Variants in WDR70 observed in about 807,000 individuals in gnomAD.
The protein encoded by WDR70 is WD repeat domain 70, also known as WD repeat-containing protein 70.
WDR70 carries 53 observed loss-of-function variants against 88.6 expected under a neutral mutation model. The ratio of observed to expected loss-of-function variants is 0.60; its 90% confidence interval spans 0.48 to 0.75. The LOEUF (loss-of-function observed/expected upper bound fraction) is 0.75. Among genes scored for constraint, WDR70 ranks in the 30% least tolerant of loss-of-function variants. The probability of loss-of-function intolerance (pLI) is 0.00; values close to 1 mark genes in which losing one functional copy is unlikely to be tolerated. For synonymous variants in WDR70, 280 were observed against 270.0 expected (o/e 1.04, Z -0.36); for missense variants, 610 against 823.2 (o/e 0.74, Z 3.17).
chr5:37,625,285 G>A (rs757471288), intron 10 of WDR70, among the ~76,000 whole-genome samples: 40 of 152,124 alleles, frequency 2.6e-4, no homozygotes, highest in Middle Eastern at 3.4e-3. Context: ...ACAAATTTAC[G>A]TTCCCACCAA....
At chr5:37,722,187 G>A (rs1747841082) in intron 14 of WDR70, 1 of 152,118 alleles carries the variant, frequency 6.6e-6, no homozygotes, top group African/African-American at 2.4e-5. Context: ...ACTTAGGATG[G>A]GAGTCTGTTT....
intron 10 of WDR70, among the ~76,000 whole-genome samples, chr5:37,673,635 G>T (rs1746101477): frequency 8.2e-6 from 1 of 122,288 alleles, no homozygotes; most frequent in Admixed American, 1.2e-4. Context: ...AAGTTCAGGG[G>T]TACATGTGCA....
rs939549588 is a variant in WDR70, at chr5:37,676,462, A to G, written c.1093-21193A>G. On this transcript the variant is annotated intron_variant, in intron 10 of 17. Transcript: ENST00000265107. The stretch of plus-strand genomic sequence containing the variant: ...AGCATGAAGGGTGTTGAATTTTGTC[A>G]AAGGCCTTTTCTGCATCTATTGAGA... 2.2e-4 allele frequency among the ~76,000 whole-genome samples: 33 copies of G among 152,072 alleles called. 2 individuals carry two copies. The highest frequency in any genetic ancestry group is 2.2e-4 in the Non-Finnish European group (15 of 68,014).
At chr5:37,506,993 G>GAA (rs1740579568) in intron 8 of WDR70, 1 of 552,836 alleles carries the variant, frequency 1.8e-6, no homozygotes, top group East Asian at 3.0e-5. Context: ...CTGCCCTTGG[G>GAA]GACACACACA....
intron 7 of WDR70, among the ~76,000 whole-genome samples, chr5:37,475,265 C>T (rs1561866457): frequency 7.0e-6 from 1 of 143,706 alleles, no homozygotes; most frequent in African/African-American, 2.6e-5. Flanking sequence ...AATGGAGTTT[C>T]GCTTTTGTTG....
At chr5:37,724,795 A>C (rs1245980356) in intron 15 of WDR70, 139 bp from the exon 16 acceptor site, 1 of 885,644 alleles carries the variant, frequency 1.1e-6, no homozygotes, top group African/African-American at 1.7e-5. Context: ...AATTGGTTAC[A>C]GTAAGACTGT....
chr5:37,492,846 C>T (rs1232302821), intron 8 of WDR70, among the ~76,000 whole-genome samples: 1 of 152,172 alleles, frequency 6.6e-6, no homozygotes, highest in African/African-American at 2.4e-5. Flanking sequence ...AGGATGCTAA[C>T]ATATAGCAAT....
intron 10 of WDR70, among the ~76,000 whole-genome samples, chr5:37,643,198 A>G (rs1251124591): frequency 3.9e-5 from 6 of 152,040 alleles, no homozygotes; most frequent in Non-Finnish European, 1.5e-5. Flanking sequence ...ATTCTTCTGT[A>G]TATGGATGTC....
At chr5:37,670,605 G>A (rs1293087516) in intron 10 of WDR70, among the ~76,000 whole-genome samples, 1 of 152,182 alleles carries the variant, frequency 6.6e-6, no homozygotes, top group African/African-American at 2.4e-5. Context: ...ACAGGCATAG[G>A]AAGATTAGCC....
chr5:37,539,490 C>A (rs533506708), intron 9 of WDR70, among the ~76,000 whole-genome samples: 1 of 152,320 alleles, frequency 6.6e-6, no homozygotes, highest in South Asian at 2.1e-4. Flanking sequence ...CTTCAGAAAT[C>A]AAACCTGCTG....
intron 13 of WDR70, among the ~76,000 whole-genome samples, chr5:37,704,882 CTTTT>C (rs34278678): frequency 1.4e-5 from 2 of 144,642 alleles, no homozygotes; most frequent in African/African-American, 2.6e-5. Context: ...TATCTTGTGT[CTTTT>C]TTTTTTTTTT....
chr5:37,515,221 C>A (rs1379953613), intron 8 of WDR70, among the ~76,000 whole-genome samples: 1 of 152,218 alleles, frequency 6.6e-6, no homozygotes, highest in East Asian at 1.9e-4. Context: ...TGGATTGAAT[C>A]TGTGTAGATA....
At chr5:37,713,131 G>T (rs1176236845) in intron 13 of WDR70, among the ~76,000 whole-genome samples, 3 of 152,188 alleles carry the variant, frequency 2.0e-5, no homozygotes, top group East Asian at 1.9e-4. Context: ...TTCAAACCCT[G>T]CAGTGAAGTG....
At chr5:37,626,849 G>A (rs1217927164) in intron 10 of WDR70, among the ~76,000 whole-genome samples, 2 of 151,942 alleles carry the variant, frequency 1.3e-5, no homozygotes, top group Admixed American at 6.6e-5. Context: ...AATCTTTATA[G>A]GTTGTATGTG....
At chr5:37,544,260 C>T (rs1356732096) in intron 9 of WDR70, among the ~76,000 whole-genome samples, 4 of 152,154 alleles carry the variant, frequency 2.6e-5, no homozygotes, top group Non-Finnish European at 5.9e-5. Flanking sequence ...GTTCTTTAGT[C>T]TTCCACTTGG....
intron 5 of WDR70, among the ~76,000 whole-genome samples, chr5:37,414,601 G>GTTTTTT (rs765190732): frequency 1.6e-5 from 2 of 121,282 alleles, no homozygotes; most frequent in Non-Finnish European, 1.8e-5. Context: ...AGGACAGTCT[G>GTTTTTT]TTTTTTTTTT....
At chr5:37,734,878 G>A (rs1204555094) in intron 17 of WDR70, among the ~76,000 whole-genome samples, 2 of 152,022 alleles carry the variant, frequency 1.3e-5, no homozygotes, top group South Asian at 4.2e-4. Flanking sequence ...TCCTAACACC[G>A]AGCCATCCTG....
chr5:37,705,683 C>A (rs1004305919), intron 13 of WDR70, among the ~76,000 whole-genome samples: 1 of 151,686 alleles, frequency 6.6e-6, no homozygotes, highest in African/African-American at 2.4e-5. Context: ...AAAAGGTGGA[C>A]ACTTTGCTAG....
intron 10 of WDR70, among the ~76,000 whole-genome samples, chr5:37,615,367 G>A (rs771593287): frequency 6.6e-6 from 1 of 152,190 alleles, no homozygotes; most frequent in South Asian, 2.1e-4. Context: ...CAAGCCATGC[G>A]TCATGAAATT....
Sources: allele counts gnomAD v4.1 joint callset (sites outside exome capture counted in the v4.1 genomes callset), GRCh38; gene constraint gnomAD v4.1.1; transcripts MANE v1.5; gene names NCBI Gene and HGNC (gene_info 2026-07-23, HGNC 2026-07-21).